The following RNF32 variants were observed in gnomAD, a reference collection of about 807,000 sequenced individuals.
RNF32 encodes the protein ring finger protein 32.
RNF32 carries 36 observed loss-of-function variants against 41.0 expected under a neutral mutation model. That is an observed-to-expected ratio of 0.88 (90% CI 0.67 to 1.16). The LOEUF (loss-of-function observed/expected upper bound fraction) is 1.16. RNF32 is among the 50% of genes most tolerant of loss of function. RNF32 has a pLI of 0.00. For missense variants in RNF32, 413 were observed against 436.7 expected, an observed-to-expected ratio of 0.95 and a Z score of 0.48; for synonymous variants, 154 against 160.9, an observed-to-expected ratio of 0.96 and a Z score of 0.32.
At position 156,670,599 on chromosome 7, in the gene RNF32, C is replaced by T. The variant is rs575709634; in HGVS notation, c.685-5097C>T. Among the ~76,000 whole-genome samples the T allele has an allele frequency of 3.9e-5, 6 of 152,264 alleles. No individual in the cohort carries two copies. The highest frequency in any genetic ancestry group is 1.9e-4 in the East Asian group (1 of 5,186). On this transcript the variant is annotated intron_variant, in intron 7 of 8. Coordinates refer to ENST00000317955, the MANE Select transcript of RNF32 (RefSeq NM_030936.4). The surrounding 1 kb of genome is among the most constrained non-coding windows in gnomAD (Gnocchi z 4.3). ...TAGTGAGCCTGCAGAACACAAAGCA[C>T]GGAGTCATCTTGGAAGTGGCCAGGA...
intron 7 of RNF32, 106 bp from the exon 8 acceptor site, chr7:156,675,590 C>A: frequency 1.2e-6 from 1 of 840,024 alleles, no homozygotes; most frequent in Non-Finnish European, 2.0e-6. Context: ...TATTCGAAGA[C>A]AGAGACGAGG....
intron 4 of RNF32, chr7:156,655,005 GC>G (rs1799386884): frequency 4.3e-6 from 1 of 230,470 alleles, no homozygotes; most frequent in Admixed American, 5.5e-5. Context: ...CAACTGGGGG[GC>G]TTCCCAGGAG....
rs928408731 is a variant in RNF32, at chr7:156,646,401, C to T, written c.274+1644C>T. ...ACTCCAATCTCTGCCTCTGACTTCA[C>T]AAAACCTTCTTCTCTAGGTGTGATT... On this transcript the variant is annotated intron_variant, in intron 3 of 8. Transcript: ENST00000317955. 6 of 1,302,802 alleles carry T rather than the reference C, an allele frequency of 4.6e-6. No individual in the cohort carries two copies. The African/African-American group carries it at 9.1e-5, about 20-fold the overall frequency. 80.7% of individuals were successfully genotyped at this position (1,302,802 alleles called of 1,614,324 possible).
At chr7:156,640,833 G>A (rs1348678313) in intron 1 of RNF32, 22 bp downstream of exon 1, 2 of 204,002 alleles carry the variant, frequency 9.8e-6, no homozygotes, top group Non-Finnish European at 2.0e-5. Context: ...CTTCGGGGGA[G>A]GGACGGAAAG....
intron 3 of RNF32, among the ~76,000 whole-genome samples, chr7:156,649,192 TAAA>T (rs758443851): frequency 1.6e-4 from 24 of 152,260 alleles, no homozygotes; most frequent in African/African-American, 5.5e-4. Flanking sequence ...ATTTTCTACA[TAAA>T]ATTCTGCTGG....
intron 4 of RNF32, 31 bp from the exon 5 acceptor site, chr7:156,657,510 C>A: frequency 6.2e-7 from 1 of 1,612,930 alleles, no homozygotes; most frequent in Non-Finnish European, 8.5e-7. Context: ...CTTTTGTAAA[C>A]TTCAACGTCG....
At chr7:156,673,655 T>C (rs1288108139) in intron 7 of RNF32, among the ~76,000 whole-genome samples, 1 of 152,190 alleles carries the variant, frequency 6.6e-6, no homozygotes, top group African/African-American at 2.4e-5. Flanking sequence ...CCAACCCTTG[T>C]GGACTGCCTG....
chr7:156,666,171 A>G (rs1585077650), intron 7 of RNF32, among the ~76,000 whole-genome samples: 1 of 152,192 alleles, frequency 6.6e-6, no homozygotes, highest in African/African-American at 2.4e-5. Flanking sequence ...TGTTTCCCTC[A>G]TATGTTTTAG....
chr7:156,644,824 A>G (rs1797786644), intron 3 of RNF32, 67 bp downstream of exon 3: 2 of 1,440,470 alleles, frequency 1.4e-6, no homozygotes, highest in African/African-American at 1.4e-5. Flanking sequence ...GATTAATAGT[A>G]TAATTTTTTA....
At chr7:156,660,178 G>A (rs1271594176) in intron 7 of RNF32, 67 of 985,396 alleles carry the variant, frequency 6.8e-5, no homozygotes, top group Non-Finnish European at 8.0e-5. Flanking sequence ...GCCCGCCCCC[G>A]CATGTCCTGC....
At position 156,643,829 on chromosome 7, in the gene RNF32, GTGA is replaced by G. The variant is rs757357120; in HGVS notation, c.-44_-42del. 6.4e-7 allele frequency: 1 copy of G among 1,566,600 alleles called. No individual in the cohort carries two copies. The highest frequency in any genetic ancestry group is 8.8e-7 in the Non-Finnish European group (1 of 1,137,032). On this transcript the variant is annotated 5_prime_UTR_variant, in exon 2 of 9. The change abolishes an upstream ATG in the 5' untranslated region. Transcript: ENST00000317955. ...AAGAATAGAAGGAAGGTGATAGGATGTGATGATAGAATTTGTGATAGCCAAGCA... is the reference window on the plus strand; with the variant it reads ...AAGAATAGAAGGAAGGTGATAGGATGTGATAGAATTTGTGATAGCCAAGCA...
At position 156,662,226 on chromosome 7, in the gene RNF32, T is replaced by A. The variant is rs898653839; in HGVS notation, c.684+3656T>A. Among the ~76,000 whole-genome samples the A allele has an allele frequency of 4.3e-4, 66 of 152,250 alleles. 2 individuals are homozygous for A. ...GACCACTTCTTAATCATTTACCAAA[T>A]GACCTCACCATTTGATGCTTTTTTT... On this transcript the variant is annotated intron_variant, in intron 7 of 8. Coordinates refer to ENST00000317955, the MANE Select transcript of RNF32 (RefSeq NM_030936.4).
chr7:156,676,950 C>T lies in RNF32; in HGVS notation c.*295C>T. On this transcript the variant is annotated 3_prime_UTR_variant, in exon 9 of 9. Transcript: ENST00000317955. Reference sequence around the variant, plus strand: ...ATTGAGGTTAAGATATAGCTAGTGTCTGAACGACACTCCTTAAAGTAAGTT... The same window carrying T: ...ATTGAGGTTAAGATATAGCTAGTGTTTGAACGACACTCCTTAAAGTAAGTT... 1 of 317,260 alleles carries T rather than the reference C, an allele frequency of 3.2e-6. No individual in the cohort carries two copies. The highest frequency in any genetic ancestry group is 5.9e-6 in the Non-Finnish European group (1 of 169,304). 19.7% of individuals were successfully genotyped at this position (317,260 alleles called of 1,614,324 possible).
intron 3 of RNF32, among the ~76,000 whole-genome samples, chr7:156,645,622 C>A (rs1435120634): frequency 3.3e-5 from 5 of 152,252 alleles, no homozygotes; most frequent in Middle Eastern, 3.4e-3. Flanking sequence ...AGAACCAGAT[C>A]TGCAGAAGGC....
chr7:156,651,574 G>C (rs1311116683), intron 3 of RNF32, among the ~76,000 whole-genome samples: 5 of 152,058 alleles, frequency 3.3e-5, no homozygotes, highest in Admixed American at 2.0e-4. Flanking sequence ...TTCAGTTCTG[G>C]ATATCTCTTC....
intron 3 of RNF32, among the ~76,000 whole-genome samples, chr7:156,647,424 C>T (rs1262238230): frequency 4.6e-5 from 7 of 152,138 alleles, no homozygotes; most frequent in Non-Finnish European, 1.0e-4. Flanking sequence ...TCTTAGCTTC[C>T]ACTTATAAGT....
chr7:156,649,867 T>C (rs1798478444), intron 3 of RNF32, among the ~76,000 whole-genome samples: 1 of 152,258 alleles, frequency 6.6e-6, no homozygotes, highest in African/African-American at 2.4e-5. Flanking sequence ...TGGACTATGA[T>C]TGTCCTTGTC....
chr7:156,673,875 C>T (rs1803153959), intron 7 of RNF32, among the ~76,000 whole-genome samples: 1 of 150,468 alleles, frequency 6.6e-6, no homozygotes, highest in Non-Finnish European at 1.5e-5. Flanking sequence ...TTTAAATACA[C>T]ACTACGTTCT....
At chr7:156,658,021 T>C (rs1173330954) in intron 5 of RNF32, 107 bp from the exon 6 acceptor site, 2 of 1,180,928 alleles carry the variant, frequency 1.7e-6, no homozygotes, top group Non-Finnish European at 2.4e-6. Context: ...CTAAGTCTCA[T>C]AGTTATGGGA....
Sources: allele counts gnomAD v4.1 joint callset (sites outside exome capture counted in the v4.1 genomes callset), GRCh38; gene constraint gnomAD v4.1.1; non-coding constraint Gnocchi (gnomAD v3.1); transcripts MANE v1.5; gene names NCBI Gene and HGNC (gene_info 2026-07-23, HGNC 2026-07-21).